MCF2L2: variants seen among roughly 807,000 people sequenced by gnomAD.
MCF2L2 encodes MCF.2 cell line derived transforming sequence-like 2, also known as probable guanine nucleotide exchange factor MCF2L2.
In MCF2L2, 102 loss-of-function variants were observed where a neutral mutation model predicts 150.2. The ratio of observed to expected loss-of-function variants is 0.68; its 90% CI spans 0.58 to 0.80. MCF2L2 has a LOEUF of 0.80. MCF2L2 is among the 30% of genes least tolerant of loss of function. MCF2L2 has a pLI of 0.00. For missense variants in MCF2L2, 1,256 were observed against 1,372.8 expected (o/e 0.91, Z 1.34); for synonymous variants, 465 against 491.3 (o/e 0.95, Z 0.71).
chr3:183,337,092 C>T (rs949586610), intron 5 of MCF2L2, among the ~76,000 whole-genome samples: 2 of 152,074 alleles, frequency 1.3e-5, no homozygotes, highest in Non-Finnish European at 2.9e-5. Context: ...TGTTGTTGAA[C>T]GCATCAGTAC....
chr3:183,426,774 A>C (rs1353417016), intron 1 of MCF2L2, among the ~76,000 whole-genome samples: 1 of 152,190 alleles, frequency 6.6e-6, no homozygotes, highest in Non-Finnish European at 1.5e-5. Context: ...GATCCTACTG[A>C]TCTTTTGTCG....
chr3:183,259,580 T>C (rs2108412581), intron 15 of MCF2L2, among the ~76,000 whole-genome samples: 1 of 152,316 alleles, frequency 6.6e-6, no homozygotes, highest in South Asian at 2.1e-4. Context: ...CATTAGAGAA[T>C]GGCAGCTTTT....
At chr3:183,180,247 T>C in intron 27 of MCF2L2, 88 bp from the exon 28 acceptor site, 2 of 822,648 alleles carry the variant, frequency 2.4e-6, no homozygotes, top group Non-Finnish European at 4.2e-6. Flanking sequence ...GCAGTGCCTG[T>C]TGCAGGCACG....
At chr3:183,310,028 A>G (rs1729290463) in intron 9 of MCF2L2, among the ~76,000 whole-genome samples, 193 bp from the exon 10 acceptor site, 1 of 152,096 alleles carries the variant, frequency 6.6e-6, no homozygotes, top group Non-Finnish European at 1.5e-5. Context: ...ATTCACCTGT[A>G]GCTGAACTAT....
rs1448361016 is a variant in MCF2L2, at chr3:183,179,781, G to A, written c.3106-89C>T. 8.4e-7 allele frequency: 1 copy of A among 1,190,556 alleles called. No individual in the cohort carries two copies. The highest frequency in any genetic ancestry group is 1.2e-6 in the Non-Finnish European group (1 of 817,094). 73.7% of individuals were successfully genotyped at this position (1,190,556 alleles called of 1,614,324 possible). On this transcript the variant is annotated intron_variant, in intron 28 of 29. Transcript: ENST00000328913. The surrounding 1 kb of genome is among the most constrained non-coding windows in gnomAD (Gnocchi z 4.2). ...AGGTGGTGACTCCCGCTGGCAGGCTGAGGCCCACCCCAGCCCTCCCACCTG... is the reference window on the plus strand; with the variant it reads ...AGGTGGTGACTCCCGCTGGCAGGCTAAGGCCCACCCCAGCCCTCCCACCTG...
intron 5 of MCF2L2, among the ~76,000 whole-genome samples, chr3:183,333,771 T>C (rs925758793): frequency 6.6e-6 from 1 of 152,164 alleles, no homozygotes; most frequent in Non-Finnish European, 1.5e-5. Context: ...AGCTTCTGTC[T>C]GCTGAAAGAG....
In MCF2L2 at chr3:183,186,583, G is replaced by A. The variant is rs564553285; in HGVS notation, c.3016+6416C>T. Among the ~76,000 whole-genome samples, 6 of 152,286 alleles carry A rather than the reference G, an allele frequency of 3.9e-5. No individual in the cohort carries two copies. In the East Asian group the frequency reaches 5.8e-4, roughly 15 times the overall value. Reference sequence around the variant, plus strand: ...CTCTACTAAAAACACAAAAATTAGCGAGGTGTGGTGGTGGGCACCTGTAAT... The same window carrying A: ...CTCTACTAAAAACACAAAAATTAGCAAGGTGTGGTGGTGGGCACCTGTAAT... On this transcript the variant is annotated intron_variant, in intron 27 of 29. Transcript: ENST00000328913.
chr3:183,359,906 T>C (rs933622574), intron 3 of MCF2L2, among the ~76,000 whole-genome samples: 2 of 152,212 alleles, frequency 1.3e-5, no homozygotes, highest in South Asian at 2.1e-4. Context: ...CTAACCTTCT[T>C]ACATGTGCAA....
intron 27 of MCF2L2, among the ~76,000 whole-genome samples, chr3:183,188,249 G>A (rs1018110582): frequency 6.6e-6 from 1 of 152,206 alleles, no homozygotes; most frequent in Non-Finnish European, 1.5e-5. Flanking sequence ...TGCAGTGGCA[G>A]GTGGCAGCCA....
chr3:183,214,878 C>T (rs1722858638), intron 22 of MCF2L2, among the ~76,000 whole-genome samples: 1 of 151,888 alleles, frequency 6.6e-6, no homozygotes, highest in South Asian at 2.1e-4. Context: ...GCCTGTAGTC[C>T]CAGCTACTCA....
intron 27 of MCF2L2, among the ~76,000 whole-genome samples, chr3:183,188,765 C>T (rs1721781503): frequency 6.6e-6 from 1 of 152,102 alleles, no homozygotes; most frequent in South Asian, 2.1e-4. Context: ...GTCAGGAGTT[C>T]AAGACCAGCC....
intron 14 of MCF2L2, among the ~76,000 whole-genome samples, chr3:183,287,101 C>T (rs928977353): frequency 6.6e-6 from 1 of 152,126 alleles, no homozygotes. Context: ...TCAACACTTT[C>T]CACACCTACA....
intron 3 of MCF2L2, among the ~76,000 whole-genome samples, chr3:183,359,887 CAAT>C (rs1415060724): frequency 6.6e-6 from 1 of 152,178 alleles, no homozygotes. Flanking sequence ...AGTGAGGAAA[CAAT>C]GATGTCTAAC....
rs1311224856 is a variant in MCF2L2, at chr3:183,427,924, C to T, written c.54G>A (p.Leu18=). ...TACCGACATGAGTGATCACTGTGGC[C>T]AGTCGCCGGGTGAGCTCCTGGGGAG... The part of the protein sequence containing the change: ...EMPPQELTRR[L]ATVITHVDEI... The change falls in exon 1 of 30, where the codon CTG becomes CTA. Residue 18 remains leucine, a synonymous_variant. Coordinates refer to ENST00000328913, the MANE Select transcript of MCF2L2 (RefSeq NM_015078.4). 8 of 1,614,106 alleles carry T rather than the reference C, an allele frequency of 5.0e-6. No individual in the cohort carries two copies. The highest frequency in any genetic ancestry group is 1.6e-4 in the Middle Eastern group (1 of 6,062).
intron 15 of MCF2L2, among the ~76,000 whole-genome samples, chr3:183,238,393 C>A (rs918340135): frequency 2.0e-5 from 3 of 151,972 alleles, no homozygotes; most frequent in African/African-American, 7.2e-5. Context: ...CTCCCAGGTT[C>A]AAGCAATTCC....
chr3:183,289,227 G>A lies in MCF2L2; in HGVS notation c.1676-7C>T, dbSNP rs3732601. The A allele has an allele frequency of 0.013, 20,877 of 1,583,494 alleles. 272 individuals carry two copies. The highest frequency in any genetic ancestry group is 0.044 in the Middle Eastern group (262 of 5,970). ...AGAGGACGAGCTAGAGGGACTAAGAGAACCTGCCATTAGTGTGGTTATTTA... is the reference window on the plus strand; with the variant it reads ...AGAGGACGAGCTAGAGGGACTAAGAAAACCTGCCATTAGTGTGGTTATTTA... On this transcript the variant is annotated splice_polypyrimidine_tract_variant and splice_region_variant and intron_variant, in intron 13 of 29. Transcript: ENST00000328913.
At chr3:183,245,670 CCTT>C (rs1190902947) in intron 15 of MCF2L2, among the ~76,000 whole-genome samples, 1 of 152,124 alleles carries the variant, frequency 6.6e-6, no homozygotes, top group Admixed American at 6.5e-5. Context: ...AGTTTTACAT[CCTT>C]CTTCTGTTTT....
At chr3:183,375,592 CT>C (rs1364546638) in intron 3 of MCF2L2, 1 of 152,160 alleles carries the variant, frequency 6.6e-6, no homozygotes, top group African/African-American at 2.4e-5. Context: ...ATGCTGTGGG[CT>C]CTCATAGAGG....
intron 2 of MCF2L2, among the ~76,000 whole-genome samples, chr3:183,387,007 G>A (rs1323382696): frequency 6.6e-6 from 1 of 152,208 alleles, no homozygotes; most frequent in Admixed American, 6.5e-5. Flanking sequence ...TGTAATCCCA[G>A]CACTTTGGAA....
Sources: allele counts gnomAD v4.1 joint callset (sites outside exome capture counted in the v4.1 genomes callset), GRCh38; gene constraint gnomAD v4.1.1; non-coding constraint Gnocchi (gnomAD v3.1); transcripts MANE v1.5; gene names NCBI Gene and HGNC (gene_info 2026-07-23, HGNC 2026-07-21).